The following PITPNM2 variants were observed in gnomAD, a reference collection of about 807,000 sequenced individuals.
PITPNM2 encodes the protein membrane-associated phosphatidylinositol transfer protein 2.
PITPNM2 carries 35 observed loss-of-function variants against 132.2 expected under a neutral mutation model. That is an observed-to-expected ratio of 0.26 (90% CI 0.20 to 0.35). The LOEUF (loss-of-function observed/expected upper bound fraction) is 0.35. Among genes scored for constraint, PITPNM2 ranks in the 10% least tolerant of loss-of-function variants. The pLI is 1.00. For missense variants in PITPNM2, 1,332 were observed against 1,912.0 expected (o/e 0.70, Z 5.66); for synonymous variants, 738 against 799.2 (o/e 0.92, Z 1.29).
In PITPNM2 at chr12:123,008,581, G is replaced by C. The variant is rs1450041930; in HGVS notation, c.643+1269C>G. Reference sequence around the variant, plus strand: ...CTGTGAGCCCTGGGTAATGGAGAGAGGCAGGTTTGGGCCAATCTAAGCTCC... The same window carrying C: ...CTGTGAGCCCTGGGTAATGGAGAGACGCAGGTTTGGGCCAATCTAAGCTCC... On this transcript the variant is annotated intron_variant, in intron 6 of 25. Coordinates refer to ENST00000320201, the MANE Select transcript of PITPNM2 (RefSeq NM_020845.3). This position sits in a 1 kb window ranked among gnomAD's most constrained non-coding sequence, Gnocchi z 4.1. Among the ~76,000 whole-genome samples the C allele has an allele frequency of 1.3e-5, 2 of 152,182 alleles. No homozygotes were observed. The highest frequency in any genetic ancestry group is 1.9e-4 in the East Asian group (1 of 5,192).
intron 2 of PITPNM2, among the ~76,000 whole-genome samples, chr12:123,098,870 T>G (rs1160381120): frequency 6.6e-6 from 1 of 152,132 alleles, no homozygotes; most frequent in African/African-American, 2.4e-5. Context: ...ACCTGAAACT[T>G]CTCAGCACTC....
Position 122,985,776 on chromosome 12 carries a change from G to A in PITPNM2, c.*251C>T. 4 of 407,624 alleles carry A rather than the reference G, an allele frequency of 9.8e-6. No individual in the cohort carries two copies. Among genetic ancestry groups the A allele is most frequent in the Non-Finnish European group, 1.7e-5 (4 of 232,706 alleles). The allele number at this position is 407,624 out of a possible 1,614,324, so 25.3% of individuals were successfully genotyped here. On this transcript the variant is annotated 3_prime_UTR_variant, in exon 26 of 26. Transcript: ENST00000320201. ...GGGAGAACCTCCCGGGCCAGTCTGAGTGGGAGGTTCTGGTCCCTCTGCCAT... is the reference window on the plus strand; with the variant it reads ...GGGAGAACCTCCCGGGCCAGTCTGAATGGGAGGTTCTGGTCCCTCTGCCAT...
chr12:123,095,634 T>G lies in PITPNM2; in HGVS notation c.-96+14751A>C, dbSNP rs2042388855. Among the ~76,000 whole-genome samples, 1 of 152,074 alleles carries G rather than the reference T, an allele frequency of 6.6e-6. No individual in the cohort carries two copies. Among genetic ancestry groups the G allele is most frequent in the African/African-American group, 2.4e-5 (1 of 41,414 alleles). ...GCTCCCCTTGGGTTTCAAGGCGACATCTAAGCTCCTTAACTAGGGCACGAG... is the reference window on the plus strand; with the variant it reads ...GCTCCCCTTGGGTTTCAAGGCGACAGCTAAGCTCCTTAACTAGGGCACGAG... On this transcript the variant is annotated intron_variant, in intron 2 of 25. Coordinates refer to ENST00000320201, the MANE Select transcript of PITPNM2 (RefSeq NM_020845.3). This position sits in a 1 kb window ranked among gnomAD's most constrained non-coding sequence, Gnocchi z 5.0.
chr12:123,063,480 C>T (rs1221418826), intron 2 of PITPNM2, among the ~76,000 whole-genome samples: 3 of 152,198 alleles, frequency 2.0e-5, no homozygotes, highest in African/African-American at 7.2e-5. Context: ...TGTTCTGTGA[C>T]GTTGCTTAAA....
chr12:123,125,184 T>TC, intron 1 of PITPNM2, among the ~76,000 whole-genome samples: 2 of 152,258 alleles, frequency 1.3e-5, no homozygotes, highest in East Asian at 3.9e-4. Flanking sequence ...GGTCTCAAAC[T>TC]CCTGGGCTCA....
chr12:122,987,186 A>G, intron 23 of PITPNM2, 95 bp downstream of exon 23: 1 of 1,550,128 alleles, frequency 6.5e-7, no homozygotes, highest in South Asian at 1.2e-5. Flanking sequence ...GGCGTCCCCC[A>G]CAGAGGCTCC....
chr12:123,142,175 T>C (rs1042741780), intron 1 of PITPNM2, among the ~76,000 whole-genome samples: 1 of 152,220 alleles, frequency 6.6e-6, no homozygotes, highest in Non-Finnish European at 1.5e-5. Context: ...GTCAAACTAA[T>C]ACTCTCTATC....
rs4148865 is a variant in PITPNM2, at chr12:123,111,202, C to A, written c.-199-714G>T. Among the ~76,000 whole-genome samples the A allele has an allele frequency of 0.034, 5,132 of 152,328 alleles. 144 individuals are homozygous for A. The highest frequency in any genetic ancestry group is 0.17 in the East Asian group (863 of 5,180). The stretch of plus-strand genomic sequence containing the variant: ...AGGGACCACAGACAAGCCGGGTAGC[C>A]CACCTCGCAGCTCAACACACATTCT... On this transcript the variant is annotated intron_variant, in intron 1 of 25. Transcript: ENST00000320201. The surrounding 1 kb of genome is among the most constrained non-coding windows in gnomAD (Gnocchi z 4.1).
Position 123,117,397 on chromosome 12 carries a change from G to A in PITPNM2, c.-199-6909C>T, listed in dbSNP as rs1251865534. On this transcript the variant is annotated intron_variant, in intron 1 of 25. Transcript: ENST00000320201. This position sits in a 1 kb window ranked among gnomAD's most constrained non-coding sequence, Gnocchi z 4.7. ...GTTTGCACACTGTGGACAGAGATAT[G>A]GATGGGATTCCCTGAGTGCAGTGAA... is the stretch of plus-strand genomic sequence containing the variant. 1.3e-5 allele frequency among the ~76,000 whole-genome samples: 2 copies of A among 152,132 alleles called. No individual in the cohort carries two copies. Among genetic ancestry groups the A allele is most frequent in the Non-Finnish European group, 2.9e-5 (2 of 68,008 alleles).
chr12:123,003,036 G>A (rs2038764916), intron 8 of PITPNM2, among the ~76,000 whole-genome samples: 1 of 152,138 alleles, frequency 6.6e-6, no homozygotes, highest in South Asian at 2.1e-4. Context: ...ACTGTGCCTG[G>A]CCTAATACAT....
chr12:123,089,336 G>C (rs1163006801), intron 2 of PITPNM2: 2 of 152,160 alleles, frequency 1.3e-5, no homozygotes, highest in African/African-American at 2.4e-5. Context: ...GGTGACAGCA[G>C]CCAGAAATCG....
intron 2 of PITPNM2, among the ~76,000 whole-genome samples, chr12:123,048,863 G>C (rs146385411): frequency 1.2e-4 from 18 of 152,306 alleles, no homozygotes; most frequent in African/African-American, 4.3e-4. Flanking sequence ...GCCAGGCACA[G>C]TGGCTCATGC....
intron 2 of PITPNM2, among the ~76,000 whole-genome samples, chr12:123,109,389 C>T (rs1181322386): frequency 6.6e-6 from 1 of 152,184 alleles, no homozygotes; most frequent in African/African-American, 2.4e-5. Context: ...GGGGCTCCTG[C>T]TGCCAGCTGG....
intron 2 of PITPNM2, among the ~76,000 whole-genome samples, chr12:123,068,259 A>C (rs574249128): frequency 1.3e-5 from 2 of 152,220 alleles, no homozygotes; most frequent in Admixed American, 6.5e-5. Flanking sequence ...CAAAGTCAGG[A>C]GATCGAGAAC....
chr12:123,033,445 G>T (rs1592960690), intron 3 of PITPNM2, among the ~76,000 whole-genome samples: 1 of 152,228 alleles, frequency 6.6e-6, no homozygotes, highest in Non-Finnish European at 1.5e-5. Context: ...TGTGTTCCAG[G>T]TTGATCAGGC....
intron 1 of PITPNM2, among the ~76,000 whole-genome samples, chr12:123,135,682 C>T (rs769551825): frequency 2.0e-5 from 3 of 152,160 alleles, no homozygotes; most frequent in Admixed American, 6.5e-5. Flanking sequence ...TGTTATTCCA[C>T]GTGGCAGGAT....
In PITPNM2 at chr12:122,994,911, C is replaced by T. The variant is rs761880151; in HGVS notation, c.2123G>A (p.Gly708Asp). ...GTCAAACCTGCCCAGGGCACCTGTG[C>T]CATCCAGCATGGTGGAGCTGCTGGA... ...RHSSSSTMLD[G>D]TGALGRFDFE... The change falls in exon 15 of 26, where the codon GGC (glycine) becomes GAC (aspartate). Residue 708 changes from glycine (G) to aspartate (D), a missense_variant. By Grantham distance (94) the Gly-to-Asp change is moderately conservative. Around this residue, in one of 6 missense-constraint regions of PITPNM2, gnomAD observed 710 missense variants for 911.5 expected, o/e 0.78. Transcript: ENST00000320201. The surrounding 1 kb of genome is among the most constrained non-coding windows in gnomAD (Gnocchi z 5.4). 2 of 1,611,996 alleles carry T rather than the reference C, an allele frequency of 1.2e-6. No individual in the cohort carries two copies. Among genetic ancestry groups the T allele is most frequent in the Non-Finnish European group, 8.5e-7 (1 of 1,179,866 alleles).
At chr12:123,145,379 C>T (rs2043593758) in intron 1 of PITPNM2, among the ~76,000 whole-genome samples, 1 of 152,108 alleles carries the variant, frequency 6.6e-6, no homozygotes, top group Non-Finnish European at 1.5e-5. Context: ...TGGAATCAGC[C>T]TTGAGGTCTC....
rs990025977 is a variant in PITPNM2, at chr12:123,121,391, A to G, written c.-199-10903T>C. Among the ~76,000 whole-genome samples the G allele has an allele frequency of 9.9e-5, 15 of 152,060 alleles. No individual in the cohort carries two copies. In the South Asian group the frequency reaches 2.1e-3, roughly 21 times the overall value. ...TCAAAACAAACAAACAAAAATCAAAAAGCTCCACTTAGTTTCTTTATTCTT... is the reference window on the plus strand; with the variant it reads ...TCAAAACAAACAAACAAAAATCAAAGAGCTCCACTTAGTTTCTTTATTCTT... On this transcript the variant is annotated intron_variant, in intron 1 of 25. Transcript: ENST00000320201.
Sources: gnomAD v4.1 joint callset for allele counts (sites outside exome capture counted in the v4.1 genomes callset) on GRCh38, gnomAD v4.1.1 for gene constraint, gnomAD v4.1.1 regional missense constraint, Gnocchi (gnomAD v3.1) non-coding constraint, MANE v1.5 for transcripts, NCBI Gene and HGNC (gene_info 2026-07-23, HGNC 2026-07-21) for gene names.